Variants in CFAP47 observed in about 807,000 individuals in gnomAD.
CFAP47 encodes cilia- and flagella-associated protein 47.
Under a neutral mutation model 148.1 loss-of-function variants are expected in CFAP47, and 29 were observed. That is an observed-to-expected ratio of 0.20 (90% CI 0.15 to 0.27). The LOEUF (loss-of-function observed/expected upper bound fraction) is 0.27, where lower values mean the gene tolerates loss of function less well. Ranked by LOEUF, CFAP47 falls within the 10% of genes least tolerant of loss-of-function variation. The pLI is 1.00. For missense variants in CFAP47, 1,872 were observed against 1,697.5 expected, an observed-to-expected ratio of 1.10 and a Z score of -1.81; for synonymous variants, 664 against 577.3, an observed-to-expected ratio of 1.15 and a Z score of -2.15.
chrX:36,349,488 C>T (rs1384860537), intron 58 of CFAP47, among the ~76,000 whole-genome samples: 1 of 111,298 alleles, frequency 9.0e-6, no homozygotes, highest in Non-Finnish European at 1.9e-5. Flanking sequence ...GTCTTGAACT[C>T]CTGACCTCAA....
chrX:35,924,948 G>A (rs1935713382), intron 1 of CFAP47, among the ~76,000 whole-genome samples: 1 of 111,630 alleles, frequency 9.0e-6, no homozygotes, highest in South Asian at 3.8e-4. Context: ...TAGAATGGTG[G>A]TTACCAAAGG....
intron 49 of CFAP47, among the ~76,000 whole-genome samples, chrX:36,253,480 G>A (rs903966418): frequency 2.7e-5 from 3 of 111,503 alleles, no homozygotes; most frequent in African/African-American, 6.5e-5. Context: ...TATAAAGAAA[G>A]CTAGATTATA....
intron 54 of CFAP47, among the ~76,000 whole-genome samples, chrX:36,305,019 A>G (rs782453874): frequency 3.5e-4 from 39 of 112,267 alleles, no homozygotes; most frequent in African/African-American, 1.1e-3. Flanking sequence ...ATTTAAATAA[A>G]GGCTTTTACT....
chrX:36,348,912 C>T (rs1556017003), intron 58 of CFAP47, among the ~76,000 whole-genome samples: 1 of 111,596 alleles, frequency 9.0e-6, no homozygotes, highest in East Asian at 2.8e-4. Flanking sequence ...TAAATTTTTA[C>T]TTTGTCCTAC....
At chrX:36,127,097 A>C (rs1019783720) in intron 33 of CFAP47, among the ~76,000 whole-genome samples, 1 of 111,969 alleles carries the variant, frequency 8.9e-6, no homozygotes, top group Admixed American at 9.4e-5. Flanking sequence ...TTTTAGTTTA[A>C]TTAGATCCCA....
At chrX:36,172,090 C>G (rs1364148177) in intron 39 of CFAP47, among the ~76,000 whole-genome samples, 1 of 108,528 alleles carries the variant, frequency 9.2e-6, no homozygotes, top group East Asian at 2.9e-4. Context: ...CATGATTTGG[C>G]TCTCTGTTTG....
At chrX:36,060,199 C>CGT (rs1189122631) in intron 26 of CFAP47, among the ~76,000 whole-genome samples, 4 of 110,957 alleles carry the variant, frequency 3.6e-5, no homozygotes, top group Non-Finnish European at 7.6e-5. Flanking sequence ...TTTCTGTGCA[C>CGT]GTGTGTGTGT....
chrX:36,262,112 A>G (rs1940835816), intron 49 of CFAP47, among the ~76,000 whole-genome samples: 1 of 112,319 alleles, frequency 8.9e-6, no homozygotes, highest in African/African-American at 3.2e-5. Flanking sequence ...TAGTAGTTGT[A>G]TGTATTTGTG....
chrX:36,241,594 A>G (rs999698775), intron 48 of CFAP47, among the ~76,000 whole-genome samples: 2 of 111,866 alleles, frequency 1.8e-5, no homozygotes, highest in African/African-American at 6.5e-5. Context: ...GAGCAGCTGG[A>G]GCCTGACCCC....
intron 22 of CFAP47, among the ~76,000 whole-genome samples, chrX:36,027,164 GTGATTATATATATA>G (rs1380665955): frequency 6.8e-5 from 7 of 102,854 alleles, no homozygotes; most frequent in Admixed American, 1.1e-4. Context: ...TTATATATAT[GTGATTATATATATA>G]TGATTATATA....
At chrX:36,044,349 G>C (rs761976430) in intron 25 of CFAP47, among the ~76,000 whole-genome samples, 44 of 112,918 alleles carry the variant, frequency 3.9e-4, no homozygotes, top group Non-Finnish European at 7.3e-4. Flanking sequence ...ACATGGTCAG[G>C]CTGCAAATTT....
At chrX:36,056,122 G>C (rs1178132316) in intron 26 of CFAP47, among the ~76,000 whole-genome samples, 1 of 111,463 alleles carries the variant, frequency 9.0e-6, no homozygotes, top group East Asian at 2.8e-4. Flanking sequence ...TGCTCATTCT[G>C]ATGATAGTTT....
chrX:36,074,295 A>G (rs759372437), intron 29 of CFAP47, among the ~76,000 whole-genome samples: 3 of 111,740 alleles, frequency 2.7e-5, no homozygotes, highest in Non-Finnish European at 3.8e-5. Flanking sequence ...ACCTGAAGAT[A>G]GAGATTGTCA....
chrX:36,014,239 C>G (rs1937072284), intron 21 of CFAP47, among the ~76,000 whole-genome samples: 1 of 111,207 alleles, frequency 9.0e-6, no homozygotes, highest in Non-Finnish European at 1.9e-5. Flanking sequence ...AATATTTCAC[C>G]AACTTTTTTC....
At chrX:36,335,415 C>A (rs1472981686) in intron 57 of CFAP47, among the ~76,000 whole-genome samples, 2 of 111,375 alleles carry the variant, frequency 1.8e-5, no homozygotes, top group African/African-American at 6.5e-5. Context: ...AACAAATACC[C>A]CCCGCCTCAA....
chrX:36,248,497 C>G (rs1438097428), intron 48 of CFAP47, among the ~76,000 whole-genome samples: 1 of 42,319 alleles, frequency 2.4e-5, no homozygotes, highest in Non-Finnish European at 3.6e-5. Context: ...CATATTATAT[C>G]ACACACACAC....
At chrX:36,354,740 C>T (rs1277184326) in intron 60 of CFAP47, among the ~76,000 whole-genome samples, 1 of 110,552 alleles carries the variant, frequency 9.0e-6, no homozygotes, top group Non-Finnish European at 1.9e-5. Flanking sequence ...ACCAGACTTA[C>T]CAAAGCCTTT....
At chrX:36,267,532 A>T (rs782367489) in intron 49 of CFAP47, among the ~76,000 whole-genome samples, 5 of 99,181 alleles carry the variant, frequency 5.0e-5, no homozygotes, top group Admixed American at 1.1e-4. Flanking sequence ...AGGTTGGAGT[A>T]CAGTGGCATG....
intron 49 of CFAP47, among the ~76,000 whole-genome samples, chrX:36,257,407 CTTTTTCT>C (rs1162358764): frequency 2.7e-5 from 3 of 109,803 alleles, no homozygotes; most frequent in African/African-American, 6.6e-5. Context: ...AGAATATTTT[CTTTTTCT>C]TTTTTCTTTC....
Sources: allele counts gnomAD v4.1 joint callset (sites outside exome capture counted in the v4.1 genomes callset), GRCh38; gene constraint gnomAD v4.1.1; transcripts MANE v1.5; gene names NCBI Gene and HGNC (gene_info 2026-07-23, HGNC 2026-07-21).